Variants in MILR1 observed in about 807,000 individuals in gnomAD.
MILR1 encodes mast cell immunoglobulin like receptor 1.
MILR1 carries 31 observed loss-of-function variants against 18.5 expected under a neutral mutation model. That is an observed-to-expected ratio of 1.68 (90% CI 1.26 to 2.26). The LOEUF is 2.26. Ranked by LOEUF, MILR1 falls within the 30% of genes most tolerant of loss-of-function variation. The pLI, the probability that MILR1 is intolerant of heterozygous loss-of-function variation, is 0.00. For missense variants in MILR1, 257 were observed against 157.4 expected (o/e 1.63, Z -3.38); for synonymous variants, 85 against 56.2 (o/e 1.51, Z -2.30).
At chr17:64,469,413 T>G (rs797042031), downstream of MILR1, among the ~76,000 whole-genome samples, 11 of 152,246 alleles carry the variant, frequency 7.2e-5, no homozygotes, top group African/African-American at 2.6e-4. Flanking sequence ...TTCCTTTGTT[T>G]TGGAGACGGA....
At chr17:64,470,834 C>T (rs2037677615), downstream of MILR1, among the ~76,000 whole-genome samples, 11 of 152,188 alleles carry the variant, frequency 7.2e-5, no homozygotes, top group Admixed American at 7.2e-4. Context: ...TGCAAATCTT[C>T]TAAGGCAGCT....
downstream of MILR1, among the ~76,000 whole-genome samples, chr17:64,469,650 C>T (rs1396087063): frequency 3.3e-5 from 5 of 152,108 alleles, no homozygotes; most frequent in Admixed American, 6.5e-5. Context: ...CCGCCCACCT[C>T]GGACTCCCAA....
chr17:64,473,819 A>C, the MILR1 span, among the ~76,000 whole-genome samples: 1 of 152,214 alleles, frequency 6.6e-6, no homozygotes, highest in African/African-American at 2.4e-5. Flanking sequence ...AGCAGTGGTT[A>C]CTACTGAGGC....
At chr17:64,490,184 A>C in the MILR1 span, among the ~76,000 whole-genome samples, 1 of 152,142 alleles carries the variant, frequency 6.6e-6, no homozygotes. Flanking sequence ...CGGCCTCACA[A>C]AGTGCTGGGA....
chr17:64,473,169 G>A (rs1555664933), downstream of MILR1, among the ~76,000 whole-genome samples: 1 of 152,064 alleles, frequency 6.6e-6, no homozygotes, highest in African/African-American at 2.4e-5. Flanking sequence ...CTAACACGAT[G>A]AAACCCCGTC....
At chr17:64,493,303 C>T in the MILR1 span, among the ~76,000 whole-genome samples, 78 of 152,152 alleles carry the variant, frequency 5.1e-4, no homozygotes, top group South Asian at 6.2e-3. Context: ...CTTGTAGTCC[C>T]AGCTACTTGG....
chr17:64,489,690 G>A, the MILR1 span, among the ~76,000 whole-genome samples: 1 of 151,940 alleles, frequency 6.6e-6, no homozygotes, highest in African/African-American at 2.4e-5. Flanking sequence ...TCAAGAGTTT[G>A]AGGTTGCAGT....
At chr17:64,496,714 C>T in the MILR1 span, 5 of 1,613,996 alleles carry the variant, frequency 3.1e-6, no homozygotes, top group African/African-American at 6.7e-5. Flanking sequence ...CCCGGCTAAG[C>T]TGCTGCTTGC....
chr17:64,481,611 G>A, the MILR1 span, among the ~76,000 whole-genome samples: 297 of 152,048 alleles, frequency 2.0e-3, 1 homozygote, highest in African/African-American at 6.9e-3. Context: ...GGTGGCTCAC[G>A]CCTGTAATCC....
chr17:64,451,379 G>C (rs1411929016), intron 2 of MILR1, among the ~76,000 whole-genome samples: 1 of 151,888 alleles, frequency 6.6e-6, no homozygotes, highest in African/African-American at 2.4e-5. Flanking sequence ...GGACTCAAGA[G>C]ATCTGCCTGC....
chr17:64,454,843 A>AAT (rs2037255151), intron 3 of MILR1, among the ~76,000 whole-genome samples: 1 of 152,010 alleles, frequency 6.6e-6, no homozygotes, highest in East Asian at 1.9e-4. Context: ...AAAGTTAAAA[A>AAT]ATATATATAT....
the MILR1 span, chr17:64,492,654 A>C: frequency 1.4e-6 from 2 of 1,478,882 alleles, no homozygotes; most frequent in Non-Finnish European, 1.9e-6. Context: ...ATTAAAGGTA[A>C]TTATTGCAGT....
At chr17:64,489,504 TA>T in the MILR1 span, among the ~76,000 whole-genome samples, 1 of 151,532 alleles carries the variant, frequency 6.6e-6, no homozygotes, top group Non-Finnish European at 1.5e-5. Flanking sequence ...CTCATTCTTA[TA>T]ATCCAAGCAT....
intron 4 of MILR1, among the ~76,000 whole-genome samples, chr17:64,458,216 T>C (rs1490549529): frequency 1.3e-5 from 2 of 150,938 alleles, no homozygotes; most frequent in South Asian, 2.1e-4. Flanking sequence ...CTTCCTTCTT[T>C]CTTTTCTTTT....
the MILR1 span, chr17:64,491,034 T>G: frequency 8.4e-7 from 1 of 1,187,054 alleles, no homozygotes; most frequent in South Asian, 1.2e-5. Flanking sequence ...CTCCCATAAT[T>G]ATCTGTAAGA....
At chr17:64,449,290 T>C in intron 1 of MILR1, 24 bp from the exon 2 acceptor site, 1 of 473,746 alleles carries the variant, frequency 2.1e-6, no homozygotes, top group East Asian at 3.1e-5. Flanking sequence ...AAGTGAGCTT[T>C]ATCGTGTTCC....
the MILR1 span, chr17:64,491,731 T>C: frequency 1.2e-6 from 1 of 818,528 alleles, no homozygotes. Context: ...TACATGCTCT[T>C]CATCTACTGC....
At chr17:64,489,465 A>T in the MILR1 span, among the ~76,000 whole-genome samples, 1 of 151,960 alleles carries the variant, frequency 6.6e-6, no homozygotes, top group African/African-American at 2.4e-5. Context: ...CAGTAAGGCA[A>T]AATTTGGTGA....
the MILR1 span, among the ~76,000 whole-genome samples, chr17:64,493,648 C>T: frequency 1.3e-5 from 2 of 152,024 alleles, no homozygotes; most frequent in African/African-American, 4.8e-5. Context: ...CCACGCCCGG[C>T]TAATTTTTTC....
Sources: gnomAD v4.1 joint callset for allele counts (sites outside exome capture counted in the v4.1 genomes callset) on GRCh38, gnomAD v4.1.1 for gene constraint, MANE v1.5 for transcripts, NCBI Gene and HGNC (gene_info 2026-07-23, HGNC 2026-07-21) for gene names.